CFAP54: variants seen among roughly 807,000 people sequenced by gnomAD.
CFAP54 encodes the protein cilia and flagella associated protein 54.
A neutral mutation model predicts 370.4 loss-of-function variants in CFAP54; 290 were observed. The ratio of observed to expected loss-of-function variants is 0.78; its 90% CI spans 0.71 to 0.86. CFAP54 has a LOEUF of 0.86. Ranked by LOEUF, CFAP54 falls within the 40% of genes least tolerant of loss-of-function variation. The pLI, the probability that CFAP54 is intolerant of heterozygous loss-of-function variation, is 0.00. For missense variants in CFAP54, 3,399 were observed against 3,528.7 expected, an observed-to-expected ratio of 0.96 and a Z score of 0.93; for synonymous variants, 1,206 against 1,236.5, an observed-to-expected ratio of 0.98 and a Z score of 0.52.
intron 5 of CFAP54, among the ~76,000 whole-genome samples, chr12:96,517,461 G>T (rs1316704679): frequency 6.6e-5 from 10 of 152,162 alleles, no homozygotes; most frequent in Admixed American, 6.5e-5. Context: ...ATTTTAGAAA[G>T]ATGTGAATTT....
chr12:96,644,551 C>T, intron 33 of CFAP54, 143 bp downstream of exon 33: 2 of 613,832 alleles, frequency 3.3e-6, no homozygotes, highest in Non-Finnish European at 5.6e-6. Context: ...TTAGTCTGTT[C>T]TCACACTGCT....
intron 66 of CFAP54, among the ~76,000 whole-genome samples, chr12:96,831,893 T>C (rs1959172257): frequency 6.6e-6 from 1 of 152,232 alleles, no homozygotes; most frequent in African/African-American, 2.4e-5. Flanking sequence ...AACTTAATTG[T>C]TTATTATGGA....
chr12:96,499,911 A>C (rs895155184), intron 1 of CFAP54, among the ~76,000 whole-genome samples: 5 of 147,426 alleles, frequency 3.4e-5, no homozygotes, highest in African/African-American at 1.3e-4. Flanking sequence ...GTGCCACTGC[A>C]CTCCAGCCTG....
intron 50 of CFAP54, among the ~76,000 whole-genome samples, chr12:96,725,652 T>C (rs1462509430): frequency 6.6e-6 from 1 of 152,244 alleles, no homozygotes; most frequent in Non-Finnish European, 1.5e-5. Context: ...ATTTTCCTAA[T>C]TGAATACCCT....
In CFAP54 at chr12:96,625,711, A is replaced by T. The variant is rs1449944043; in HGVS notation, c.3887-7A>T. The stretch of plus-strand genomic sequence containing the variant: ...GAACATACAACTTTTGAATTTTTTA[A>T]CCTTAGATGTTACATCTGAACTCTC... On this transcript the variant is annotated splice_polypyrimidine_tract_variant and splice_region_variant and intron_variant, in intron 28 of 67. Coordinates refer to ENST00000524981, the MANE Select transcript of CFAP54 (RefSeq NM_001306084.2). The T allele has an allele frequency of 1.3e-6, 2 of 1,521,870 alleles. No individual in the cohort carries two copies. The highest frequency in any genetic ancestry group is 1.8e-6 in the Non-Finnish European group (2 of 1,139,302). The allele number at this position is 1,521,870 out of a possible 1,614,324, so 94.3% of individuals were successfully genotyped here.
intron 61 of CFAP54, among the ~76,000 whole-genome samples, chr12:96,785,472 A>G (rs1437653636): frequency 1.3e-5 from 2 of 152,170 alleles, no homozygotes; most frequent in Admixed American, 1.3e-4. Context: ...ACAGTCAGAA[A>G]AGACAATTTG....
At chr12:96,863,647 G>A (rs1959933976) in intron 67 of CFAP54, among the ~76,000 whole-genome samples, 1 of 152,134 alleles carries the variant, frequency 6.6e-6, no homozygotes, top group African/African-American at 2.4e-5. Context: ...ATCTGCCCTG[G>A]GGGCCGATTT....
At chr12:96,679,803 C>A (rs779788248) in intron 40 of CFAP54, 51 bp downstream of exon 40, 39 of 1,567,368 alleles carry the variant, frequency 2.5e-5, no homozygotes, top group Non-Finnish European at 3.4e-5. Context: ...GGGGTGACCA[C>A]CCTGCAGATG....
At chr12:96,842,136 A>C (rs890562232) in intron 66 of CFAP54, among the ~76,000 whole-genome samples, 1 of 152,244 alleles carries the variant, frequency 6.6e-6, no homozygotes, top group African/African-American at 2.4e-5. Context: ...GTAAATGACC[A>C]TTTTAATATG....
In CFAP54 at chr12:96,533,800, A is replaced by G. The variant is rs1425883650; in HGVS notation, c.1366A>G (p.Ile456Val). The G allele has an allele frequency of 6.6e-7, 1 of 1,513,128 alleles. No homozygotes were observed. Among genetic ancestry groups the G allele is most frequent in the Non-Finnish European group, 8.8e-7 (1 of 1,139,910 alleles). The allele number at this position is 1,513,128 out of a possible 1,614,324, so 93.7% of individuals were successfully genotyped here. The change falls in exon 10 of 68, where the codon ATT becomes GTT. Residue 456 changes from isoleucine to valine, a missense_variant. Physicochemically the swap from Ile to Val is conservative, Grantham distance 29. Transcript: ENST00000524981. The stretch of plus-strand genomic sequence containing the variant: ...TCTTCTTCCTTTCCTAGTGTCAAAT[A>G]TTGGTGCAGATGGAATGCTTGATTT... ...AGKELLIMSNIGADGMLDFPK... is the reference protein window; with the variant it reads ...AGKELLIMSNVGADGMLDFPK...
intron 19 of CFAP54, 84 bp from the exon 20 acceptor site, chr12:96,576,498 CATT>C (rs1955977359): frequency 1.0e-6 from 1 of 993,394 alleles, no homozygotes; most frequent in African/African-American, 1.6e-5. Flanking sequence ...AAAAATATAA[CATT>C]GTTTAACATC....
rs140063838 is a variant in CFAP54, at chr12:96,844,798, G to A, written c.9171+15710G>A. Among the ~76,000 whole-genome samples, 399 of 152,242 alleles carry A rather than the reference G, an allele frequency of 2.6e-3. 4 individuals are homozygous for A. The South Asian group carries it at 0.026, about 10-fold the overall frequency. ...ACTATACTCTAAGCTCCTTCTCACC[G>A]TGTCTGTCAACCACTGGCAAGTCCA... On this transcript the variant is annotated intron_variant, in intron 66 of 67. Coordinates refer to ENST00000524981, the MANE Select transcript of CFAP54 (RefSeq NM_001306084.2).
intron 55 of CFAP54, among the ~76,000 whole-genome samples, chr12:96,749,938 G>A (rs1406898865): frequency 6.6e-6 from 1 of 152,134 alleles, no homozygotes; most frequent in Non-Finnish European, 1.5e-5. Flanking sequence ...AGAATAGCTA[G>A]TTCTGCCTAT....
intron 67 of CFAP54, among the ~76,000 whole-genome samples, chr12:96,870,919 T>C (rs1239401257): frequency 6.6e-6 from 1 of 152,190 alleles, no homozygotes; most frequent in African/African-American, 2.4e-5. Flanking sequence ...GAGGTCCACA[T>C]TTAAACAGCC....
chr12:96,621,875 GTTTTTTTTTTTTTTTTT>G (rs71068819), intron 27 of CFAP54, among the ~76,000 whole-genome samples, 154 bp downstream of exon 27: 3 of 50,022 alleles, frequency 6.0e-5, no homozygotes, highest in African/African-American at 1.7e-4. Context: ...TTTTGGGTTT[GTTTTTTTTTTTTTTTTT>G]TTTTTTTTTT....
Position 96,547,989 on chromosome 12 carries a change from A to G in CFAP54, c.2154+11A>G, listed in dbSNP as rs986114578. ...CTTCCAATATTACAGGTATTACTAC[A>G]TATTTAGAAAATTTAGGTGAAACAT... On this transcript the variant is annotated intron_variant, in intron 15 of 67. Transcript: ENST00000524981. The G allele has an allele frequency of 3.0e-6, 4 of 1,338,238 alleles. No homozygotes were observed. Among genetic ancestry groups the G allele is most frequent in the East Asian group, 2.7e-5 (1 of 37,400 alleles). 82.9% of individuals were successfully genotyped at this position (1,338,238 alleles called of 1,614,324 possible). A position where few individuals can be genotyped will look rare whatever the true frequency, so the allele number is the denominator to read the frequency against.
chr12:96,786,941 G>C (rs1204994699), intron 62 of CFAP54, 43 bp downstream of exon 62: 1 of 1,326,288 alleles, frequency 7.5e-7, no homozygotes, highest in Non-Finnish European at 1.0e-6. Flanking sequence ...AAAACTTCTT[G>C]GAATCATCAT....
chr12:96,754,028 A>G, intron 56 of CFAP54, 130 bp downstream of exon 56: 1 of 785,766 alleles, frequency 1.3e-6, no homozygotes. Flanking sequence ...AGAGATGATT[A>G]ACACAATGGT....
intron 36 of CFAP54, among the ~76,000 whole-genome samples, chr12:96,655,086 C>T (rs2136508940): frequency 6.6e-6 from 1 of 151,742 alleles, no homozygotes; most frequent in Non-Finnish European, 1.5e-5. Flanking sequence ...TATGTGATAT[C>T]AAGGCTTACT....
Sources: allele counts gnomAD v4.1 joint callset (sites outside exome capture counted in the v4.1 genomes callset), GRCh38; gene constraint gnomAD v4.1.1; transcripts MANE v1.5; gene names NCBI Gene and HGNC (gene_info 2026-07-23, HGNC 2026-07-21).